The following SPINDOC variants were observed in gnomAD, a reference collection of about 807,000 sequenced individuals.
SPINDOC encodes the protein spindlin interactor and repressor of chromatin-binding protein.
In SPINDOC, 13 loss-of-function variants were observed where a neutral mutation model predicts 30.7. The ratio of observed to expected loss-of-function variants is 0.42; its 90% confidence interval spans 0.28 to 0.67. The LOEUF (loss-of-function observed/expected upper bound fraction) is 0.67. Among genes scored for constraint, SPINDOC ranks in the 30% least tolerant of loss-of-function variants. The pLI, the probability that SPINDOC is intolerant of heterozygous loss-of-function variation, is 0.22. For missense variants in SPINDOC, 438 were observed against 518.0 expected, an observed-to-expected ratio of 0.85 and a Z score of 1.50; for synonymous variants, 228 against 211.4, an observed-to-expected ratio of 1.08 and a Z score of -0.68.
At position 63,818,284 on chromosome 11, in the gene SPINDOC, G is replaced by A. The variant is rs751437589; in HGVS notation, c.526G>A (p.Val176Ile). ...CGCTGCCAGAATGCCAGCCGAAATC[G>A]TCGTTCTCCTTGACTCTGAGGATAA... ...PDAARMPAEI[V>I]VLLDSEDNPS... Residue 176 changes from valine to isoleucine, a missense_variant, in exon 3 of 6, where the codon GTC becomes ATC. By Grantham distance (29) the Val-to-Ile change is conservative. Coordinates refer to ENST00000294244, the MANE Select transcript of SPINDOC (RefSeq NM_138471.3). This position sits in a 1 kb window ranked among gnomAD's most constrained non-coding sequence, Gnocchi z 5.3. The A allele has an allele frequency of 4.8e-5, 78 of 1,613,808 alleles. No individual in the cohort carries two copies. In the Admixed American group the frequency reaches 4.8e-4, roughly 10 times the overall value.
chr11:63,826,638 G>A lies in SPINDOC; in HGVS notation c.935-290G>A, dbSNP rs146023227. On this transcript the variant is annotated intron_variant, in intron 5 of 5. Coordinates refer to ENST00000294244, the MANE Select transcript of SPINDOC (RefSeq NM_138471.3). Reference sequence around the variant, plus strand: ...AGGTAGGAGTTACAGGAAGAGGCACGAGCACCAGGCGTCCCTGTGCCAAAA... The same window carrying A: ...AGGTAGGAGTTACAGGAAGAGGCACAAGCACCAGGCGTCCCTGTGCCAAAA... Among the ~76,000 whole-genome samples the A allele has an allele frequency of 4.3e-3, 658 of 152,288 alleles. 4 individuals carry two copies. Among genetic ancestry groups the A allele is most frequent in the African/African-American group, 0.015 (611 of 41,552 alleles).
intron 1 of SPINDOC, 76 bp downstream of exon 1, chr11:63,813,889 C>G: frequency 2.1e-6 from 3 of 1,404,328 alleles, no homozygotes; most frequent in Non-Finnish European, 2.8e-6. Flanking sequence ...CAGTCGGGGT[C>G]CGGGACCCGG....
At chr11:63,815,264 A>C (rs937966101) in intron 1 of SPINDOC, among the ~76,000 whole-genome samples, 1 of 152,244 alleles carries the variant, frequency 6.6e-6, no homozygotes, top group African/African-American at 2.4e-5. Context: ...TATCTGCAGG[A>C]AGAGCATTTC....
chr11:63,827,022 CAGGCACCCCCA>C lies in SPINDOC; in HGVS notation c.1030_1040del (p.Arg344GlyfsTer9). The C allele has an allele frequency of 6.2e-7, 1 of 1,614,194 alleles. No individual in the cohort carries two copies. Among genetic ancestry groups the C allele is most frequent in the Non-Finnish European group, 8.5e-7 (1 of 1,180,016 alleles). Reference sequence around the variant, plus strand: ...CGGTCAGCCTCCTGCAAGACTGGTCCAGGCACCCCCAGGGCACCAAGCGTGTGGGAGCAGGT... The same window carrying C: ...CGGTCAGCCTCCTGCAAGACTGGTCCGGGCACCAAGCGTGTGGGAGCAGGT... On this transcript the variant is annotated frameshift_variant, in exon 6 of 6. Transcript: ENST00000294244. LOFTEE classifies it high-confidence loss of function.
chr11:63,815,199 A>T (rs1484768349), intron 1 of SPINDOC, among the ~76,000 whole-genome samples: 1 of 152,220 alleles, frequency 6.6e-6, no homozygotes, highest in African/African-American at 2.4e-5. Flanking sequence ...GGGTTTTCTA[A>T]TAAGGTGAAT....
chr11:63,820,355 G>A (rs1005208412), intron 5 of SPINDOC, among the ~76,000 whole-genome samples: 15 of 142,328 alleles, frequency 1.1e-4, no homozygotes, highest in East Asian at 2.1e-4. Flanking sequence ...CCGAGATTGC[G>A]CCACTGCACT....
intron 5 of SPINDOC, among the ~76,000 whole-genome samples, chr11:63,821,257 G>A (rs1267580492): frequency 1.3e-5 from 2 of 152,126 alleles, no homozygotes; most frequent in Non-Finnish European, 2.9e-5. Context: ...TTCAAAGCCA[G>A]CAGTGGCTAG....
chr11:63,821,699 G>A (rs1359113795), intron 5 of SPINDOC, among the ~76,000 whole-genome samples: 1 of 152,170 alleles, frequency 6.6e-6, no homozygotes, highest in Non-Finnish European at 1.5e-5. Flanking sequence ...ATAGAATGAT[G>A]GCCAACGAGG....
chr11:63,814,379 C>A (rs918466894), intron 1 of SPINDOC, among the ~76,000 whole-genome samples: 3 of 152,144 alleles, frequency 2.0e-5, no homozygotes, highest in Non-Finnish European at 4.4e-5. Context: ...GTGTCAAGTT[C>A]TGGAGAGAAG....
intron 5 of SPINDOC, chr11:63,823,308 T>A: frequency 8.1e-7 from 1 of 1,227,674 alleles, no homozygotes; most frequent in Non-Finnish European, 1.0e-6. Flanking sequence ...TCTGTGTTGT[T>A]ATGTACGTAT....
Position 63,827,118 on chromosome 11 carries a change from G to A in SPINDOC, c.1125G>A (p.Pro375=), listed in dbSNP as rs764895479. 32 of 1,610,314 alleles carry A rather than the reference G, an allele frequency of 2.0e-5. No individual in the cohort carries two copies. Among genetic ancestry groups the A allele is most frequent in the Admixed American group, 3.3e-5 (2 of 59,918 alleles). ...CCAGCACCACTGTGGCAGGGAAGCC[G>A]GAAAAAGGGAATGGAGTGTAAATTC... is the stretch of plus-strand genomic sequence containing the variant. ...SESSTTVAGK[P]EKGNGV Residue 375 remains proline, a synonymous_variant, in exon 6 of 6, where the codon CCG becomes CCA. Coordinates refer to ENST00000294244, the MANE Select transcript of SPINDOC (RefSeq NM_138471.3).
At position 63,818,181 on chromosome 11, in the gene SPINDOC, G is replaced by T. The variant is rs901730565; in HGVS notation, c.458-35G>T. The T allele has an allele frequency of 1.2e-6, 2 of 1,613,308 alleles. No homozygotes were observed. ...GAAGGGAGAAGTCGGACTTGTTGGG[G>T]CACTAGAAGCTCATTGTGCTCTTGC... On this transcript the variant is annotated intron_variant, in intron 2 of 5. Transcript: ENST00000294244. The surrounding 1 kb of genome is among the most constrained non-coding windows in gnomAD (Gnocchi z 5.3).
chr11:63,816,553 G>A (rs1464368305), intron 1 of SPINDOC, among the ~76,000 whole-genome samples: 1 of 152,096 alleles, frequency 6.6e-6, no homozygotes, highest in Non-Finnish European at 1.5e-5. Flanking sequence ...GCAAGCCGAG[G>A]CTCCTATTTC....
chr11:63,814,551 CAA>C (rs2015288754), intron 1 of SPINDOC, among the ~76,000 whole-genome samples: 1 of 152,168 alleles, frequency 6.6e-6, no homozygotes, highest in Admixed American at 6.5e-5. Flanking sequence ...CGTAAGAAAA[CAA>C]AGAGCCATCT....
Position 63,813,790 on chromosome 11 carries a change from C to A in SPINDOC, c.104C>A (p.Pro35Gln). Reference protein sequence around the residue: ...EEEAMVVAVIPRPEPMLRVTQ... With the variant: ...EEEAMVVAVIQRPEPMLRVTQ... ...GAGGCCATGGTGGTGGCCGTAATTC[C>A]GCGGCCCGAGCCGATGCTCAGAGGT... Residue 35 changes from proline to glutamine, a missense_variant, in exon 1 of 6, where the codon CCG (proline) becomes CAG (glutamine). Pro to Gln is a moderately conservative substitution (Grantham distance 76, BLOSUM62 -1). Coordinates refer to ENST00000294244, the MANE Select transcript of SPINDOC (RefSeq NM_138471.3). The A allele has an allele frequency of 6.3e-7, 1 of 1,582,678 alleles. No homozygotes were observed. The highest frequency in any genetic ancestry group is 8.6e-7 in the Non-Finnish European group (1 of 1,165,664).
rs1333465130 is a variant in SPINDOC at position 63,818,155 on chromosome 11, C to T, written c.457+21C>T. The T allele has an allele frequency of 9.3e-6, 15 of 1,612,920 alleles. No individual in the cohort carries two copies. Among genetic ancestry groups the T allele is most frequent in the South Asian group, 2.2e-5 (2 of 91,080 alleles). On this transcript the variant is annotated intron_variant, in intron 2 of 5. Transcript: ENST00000294244. The surrounding 1 kb of genome is among the most constrained non-coding windows in gnomAD (Gnocchi z 5.3). ...CTCAGGTAGTTGGTCCTGGGGCTGG[C>T]GAAGGGAGAAGTCGGACTTGTTGGG...
intron 1 of SPINDOC, among the ~76,000 whole-genome samples, chr11:63,817,487 A>G (rs1348800569): frequency 6.6e-6 from 1 of 152,160 alleles, no homozygotes; most frequent in African/African-American, 2.4e-5. Context: ...GCCCAGCCCA[A>G]TTAGGGTGGT....
intron 5 of SPINDOC, among the ~76,000 whole-genome samples, chr11:63,823,713 C>T (rs2015587483): frequency 6.6e-6 from 1 of 151,294 alleles, no homozygotes; most frequent in African/African-American, 2.4e-5. Flanking sequence ...ATTCTTCTGC[C>T]TCAGCCTCCC....
chr11:63,818,667 C>G lies in SPINDOC; in HGVS notation c.733+15C>G. On this transcript the variant is annotated intron_variant, in intron 4 of 5. Coordinates refer to ENST00000294244, the MANE Select transcript of SPINDOC (RefSeq NM_138471.3). This position sits in a 1 kb window ranked among gnomAD's most constrained non-coding sequence, Gnocchi z 5.3. ...CCCTGACCCAGGTGAAGGGGAGGCC[C>G]GGGGGAGGCGTGGGCTCTGGCCGCA... 1 of 1,613,180 alleles carries G rather than the reference C, an allele frequency of 6.2e-7. No individual in the cohort carries two copies. The highest frequency in any genetic ancestry group is 8.5e-7 in the Non-Finnish European group (1 of 1,179,882).
Sources: gnomAD v4.1 joint callset for allele counts (sites outside exome capture counted in the v4.1 genomes callset) on GRCh38, gnomAD v4.1.1 for gene constraint, Gnocchi (gnomAD v3.1) non-coding constraint, MANE v1.5 for transcripts, NCBI Gene and HGNC (gene_info 2026-07-23, HGNC 2026-07-21) for gene names.